TMPRSS15: variants seen among roughly 807,000 people sequenced by gnomAD.
TMPRSS15 encodes enteropeptidase.
Under a neutral mutation model 125.3 loss-of-function variants are expected in TMPRSS15, and 128 were observed. That is an observed-to-expected ratio of 1.02 (90% CI 0.89 to 1.18). The LOEUF is 1.18. Ranked by LOEUF, TMPRSS15 falls within the 50% of genes most tolerant of loss-of-function variation. The pLI is 0.00. For missense variants in TMPRSS15, 1,283 were observed against 1,212.7 expected (o/e 1.06, Z -0.86); for synonymous variants, 446 against 423.2 (o/e 1.05, Z -0.66).
intron 1 of TMPRSS15, among the ~76,000 whole-genome samples, chr21:18,472,533 G>C (rs1978802789): frequency 6.6e-6 from 1 of 150,658 alleles, no homozygotes; most frequent in Admixed American, 6.6e-5. Context: ...GGCTAGGTTT[G>C]TATTAACTTC....
At chr21:18,429,350 T>A (rs1015945202) in intron 1 of TMPRSS15, among the ~76,000 whole-genome samples, 6 of 152,058 alleles carry the variant, frequency 3.9e-5, no homozygotes, top group Non-Finnish European at 8.8e-5. Context: ...TGGGAAGGCA[T>A]GATTGGTTTT....
At chr21:18,467,491 T>TAAG (rs1471752042) in intron 1 of TMPRSS15, among the ~76,000 whole-genome samples, 2 of 152,056 alleles carry the variant, frequency 1.3e-5, no homozygotes, top group Non-Finnish European at 2.9e-5. Flanking sequence ...TTTTGAGTAA[T>TAAG]AAGTCTTGAT....
chr21:18,327,002 G>A (rs1253089823), intron 15 of TMPRSS15, among the ~76,000 whole-genome samples: 1 of 152,158 alleles, frequency 6.6e-6, no homozygotes, highest in Non-Finnish European at 1.5e-5. Flanking sequence ...CTGAAGGATG[G>A]ATTATTTGGA....
At chr21:18,400,532 A>G (rs776018503) in intron 1 of TMPRSS15, among the ~76,000 whole-genome samples, 2 of 152,234 alleles carry the variant, frequency 1.3e-5, no homozygotes, top group Non-Finnish European at 2.9e-5. Context: ...AGCCATATGC[A>G]GAAGAATGAA....
chr21:18,356,491 A>G (rs571026399), intron 8 of TMPRSS15, among the ~76,000 whole-genome samples: 34 of 151,896 alleles, frequency 2.2e-4, no homozygotes, highest in Non-Finnish European at 3.8e-4. Context: ...TTGGTGAGTT[A>G]TTAAAAATAA....
intron 6 of TMPRSS15, among the ~76,000 whole-genome samples, chr21:18,366,874 G>A (rs149334656): frequency 1.2e-4 from 19 of 152,056 alleles, no homozygotes; most frequent in African/African-American, 3.1e-4. Context: ...AAAGCTCATC[G>A]TAAAATTATA....
intron 3 of TMPRSS15, among the ~76,000 whole-genome samples, chr21:18,390,516 A>G (rs756002935): frequency 4.6e-5 from 7 of 152,216 alleles, no homozygotes; most frequent in Non-Finnish European, 5.9e-5. Flanking sequence ...CTGAAAATAC[A>G]GGTATCAAAG....
At chr21:18,470,490 G>A (rs1978756754) in intron 1 of TMPRSS15, among the ~76,000 whole-genome samples, 1 of 151,998 alleles carries the variant, frequency 6.6e-6, no homozygotes, top group Non-Finnish European at 1.5e-5. Context: ...CTAAGCAAAT[G>A]CTGAGTTATT....
intron 17 of TMPRSS15, among the ~76,000 whole-genome samples, chr21:18,314,425 C>T (rs1038482404): frequency 2.0e-5 from 3 of 152,054 alleles, no homozygotes; most frequent in Admixed American, 1.3e-4. Context: ...ATTACAGGCA[C>T]CCACCACCAC....
chr21:18,329,739 CA>C (rs1390370149), intron 14 of TMPRSS15, among the ~76,000 whole-genome samples: 2 of 150,928 alleles, frequency 1.3e-5, no homozygotes, highest in African/African-American at 2.4e-5. Flanking sequence ...AAAATTTTTG[CA>C]TTTATTTACA....
At chr21:18,369,192 G>T (rs909329799) in intron 6 of TMPRSS15, among the ~76,000 whole-genome samples, 1 of 152,124 alleles carries the variant, frequency 6.6e-6, no homozygotes, top group Non-Finnish European at 1.5e-5. Flanking sequence ...GAACACATAA[G>T]GGTAAGCACT....
At chr21:18,293,438 G>A (rs1382695863) in intron 21 of TMPRSS15, among the ~76,000 whole-genome samples, 2 of 152,168 alleles carry the variant, frequency 1.3e-5, no homozygotes, top group Non-Finnish European at 2.9e-5. Flanking sequence ...ACACCTCACT[G>A]ACATAGGGAC....
intron 1 of TMPRSS15, chr21:18,477,548 G>A (rs1479320797): frequency 5.3e-5 from 8 of 152,052 alleles, no homozygotes; most frequent in Non-Finnish European, 8.8e-5. Flanking sequence ...CAGAAAAGGA[G>A]TAGAGAAGGG....
At chr21:18,313,122 G>T in intron 17 of TMPRSS15, 45 bp from the exon 18 acceptor site, 1 of 1,398,952 alleles carries the variant, frequency 7.1e-7, no homozygotes, top group Non-Finnish European at 1.0e-6. Context: ...AGACTGAAGG[G>T]TGCGGAGTAT....
At chr21:18,329,341 T>C (rs776990442) in intron 14 of TMPRSS15, 47 bp from the exon 15 acceptor site, 1 of 1,583,790 alleles carries the variant, frequency 6.3e-7, no homozygotes, top group East Asian at 2.3e-5. Flanking sequence ...CTTGGTGATT[T>C]CTCTTAAAAG....
upstream of TMPRSS15, among the ~76,000 whole-genome samples, chr21:18,408,431 C>A (rs138029992): frequency 7.4e-3 from 1,133 of 152,156 alleles, 14 homozygotes; most frequent in African/African-American, 0.026. Flanking sequence ...AATATGTATT[C>A]TTCGTCAAAA....
At chr21:18,288,393 GTGA>G (rs1173967490) in intron 21 of TMPRSS15, among the ~76,000 whole-genome samples, 1 of 151,976 alleles carries the variant, frequency 6.6e-6, no homozygotes, top group African/African-American at 2.4e-5. Context: ...CATTATTCAG[GTGA>G]TGGATACCCT....
chr21:18,422,062 C>T (rs1249060894), intron 1 of TMPRSS15, among the ~76,000 whole-genome samples: 4 of 151,382 alleles, frequency 2.6e-5, no homozygotes, highest in Non-Finnish European at 5.9e-5. Flanking sequence ...AGGCTCACTG[C>T]AACCTCTGCC....
At chr21:18,336,324 C>T (rs117672955) in intron 13 of TMPRSS15, among the ~76,000 whole-genome samples, 2,052 of 152,156 alleles carry the variant, frequency 0.013, 21 homozygotes, top group Non-Finnish European at 0.022. Flanking sequence ...ATAATACCTC[C>T]TATTGATCGA....
Sources: gnomAD v4.1 joint callset for allele counts (sites outside exome capture counted in the v4.1 genomes callset) on GRCh38, gnomAD v4.1.1 for gene constraint, MANE v1.5 for transcripts, NCBI Gene and HGNC (gene_info 2026-07-23, HGNC 2026-07-21) for gene names.